VPS26A: variants seen among roughly 807,000 people sequenced by gnomAD.
The protein encoded by VPS26A is vacuolar protein sorting-associated protein 26A.
Under a neutral mutation model 42.4 loss-of-function variants are expected in VPS26A, and 22 were observed. The ratio of observed to expected loss-of-function variants is 0.52; its 90% CI spans 0.37 to 0.74. The LOEUF is 0.74. Among genes scored for constraint, VPS26A ranks in the 30% least tolerant of loss-of-function variants. The pLI is 0.00. For missense variants in VPS26A, 276 were observed against 379.2 expected, an observed-to-expected ratio of 0.73 and a Z score of 2.26; for synonymous variants, 110 against 123.5, an observed-to-expected ratio of 0.89 and a Z score of 0.73.
intron 1 of VPS26A, among the ~76,000 whole-genome samples, chr10:69,129,214 C>T (rs956159897): frequency 1.1e-4 from 16 of 152,038 alleles, no homozygotes; most frequent in African/African-American, 2.9e-4. Context: ...CATGATTGCT[C>T]CTCCCACACA....
intron 6 of VPS26A, 141 bp downstream of exon 6, chr10:69,162,653 A>G: frequency 2.0e-6 from 1 of 490,942 alleles, no homozygotes; most frequent in Admixed American, 4.3e-5. Flanking sequence ...TAAGTTATTT[A>G]ATGTTTTTTT....
intron 2 of VPS26A, among the ~76,000 whole-genome samples, chr10:69,136,460 G>A (rs913214526): frequency 6.6e-6 from 1 of 151,708 alleles, no homozygotes; most frequent in Non-Finnish European, 1.5e-5. Context: ...TAACAGAGAC[G>A]GGATTTCACC....
At chr10:69,169,219 AAT>A in intron 8 of VPS26A, among the ~76,000 whole-genome samples, 1 of 151,128 alleles carries the variant, frequency 6.6e-6, no homozygotes, top group South Asian at 2.1e-4. Context: ...TAGTGTCTTG[AAT>A]ATCTTTCTCT....
chr10:69,149,306 A>G (rs1333976148), intron 2 of VPS26A, among the ~76,000 whole-genome samples: 1 of 152,140 alleles, frequency 6.6e-6, no homozygotes, highest in Non-Finnish European at 1.5e-5. Context: ...CTTTTTTCCA[A>G]AAGTGTGTAA....
chr10:69,147,589 C>T (rs1245162983), intron 2 of VPS26A, among the ~76,000 whole-genome samples: 5 of 152,098 alleles, frequency 3.3e-5, no homozygotes, highest in Admixed American at 6.6e-5. Context: ...TTTGTGATGG[C>T]GTGAGGCAGC....
At chr10:69,167,380 C>T (rs1030231388) in intron 7 of VPS26A, among the ~76,000 whole-genome samples, 2 of 150,158 alleles carry the variant, frequency 1.3e-5, no homozygotes, top group Non-Finnish European at 3.0e-5. Context: ...GCCAAGATGG[C>T]ACTACTGCAT....
intron 2 of VPS26A, among the ~76,000 whole-genome samples, chr10:69,142,372 T>C (rs770619178): frequency 3.4e-4 from 51 of 151,750 alleles, no homozygotes; most frequent in Non-Finnish European, 5.9e-4. Flanking sequence ...AAATTTTTTT[T>C]TTTTATAGAT....
chr10:69,167,697 C>T (rs1007438609), intron 7 of VPS26A, among the ~76,000 whole-genome samples: 3 of 139,386 alleles, frequency 2.2e-5, no homozygotes, highest in Non-Finnish European at 4.5e-5. Flanking sequence ...GACCCGAGAT[C>T]GCACCATTGC....
chr10:69,136,825 T>A (rs1046778447), intron 2 of VPS26A, among the ~76,000 whole-genome samples: 1 of 150,532 alleles, frequency 6.6e-6, no homozygotes, highest in Non-Finnish European at 1.5e-5. Flanking sequence ...GGAGTCTCGC[T>A]CTGTTGCCCA....
intron 1 of VPS26A, among the ~76,000 whole-genome samples, chr10:69,130,726 C>T (rs6480383): frequency 0.75 from 114,836 of 152,116 alleles, 45,371 homozygotes; most frequent in Non-Finnish European, 0.89. Flanking sequence ...TGACCTGTAA[C>T]ACCATAATGT....
intron 6 of VPS26A, 67 bp from the exon 7 acceptor site, chr10:69,165,972 TAAG>T (rs1408890279): frequency 1.8e-5 from 26 of 1,427,666 alleles, no homozygotes; most frequent in African/African-American, 7.3e-5. Context: ...AGTGGAAAAA[TAAG>T]AAGGCATAAG....
At chr10:69,166,148 A>G (rs778475626) in intron 7 of VPS26A, 38 bp downstream of exon 7, 3 of 1,568,614 alleles carry the variant, frequency 1.9e-6, no homozygotes, top group African/African-American at 2.7e-5. Flanking sequence ...GTATAGTGCA[A>G]ACATCAGTGT....
At position 69,173,442 on chromosome 10, in the gene VPS26A, T is replaced by C. The variant is rs146159172; in HGVS notation, c.*2173T>C. On this transcript the variant is annotated 3_prime_UTR_variant, in exon 9 of 9. Transcript: ENST00000263559. ...TCGAGACCAGCCTGGCCAACAAAAATGAGACCCTATCTCTACAAAAAAATT... is the reference window on the plus strand; with the variant it reads ...TCGAGACCAGCCTGGCCAACAAAAACGAGACCCTATCTCTACAAAAAAATT... 7.1e-3 allele frequency among the ~76,000 whole-genome samples: 1,069 copies of C among 150,968 alleles called. 11 individuals are homozygous for C. Among genetic ancestry groups the C allele is most frequent in the African/African-American group, 0.025 (1,013 of 41,126 alleles).
chr10:69,163,988 C>T (rs1841623819), intron 6 of VPS26A, among the ~76,000 whole-genome samples: 1 of 151,492 alleles, frequency 6.6e-6, no homozygotes. Context: ...AGGATGGTCT[C>T]GATCTCCTGA....
intron 2 of VPS26A, chr10:69,133,428 G>A (rs1442632336): frequency 3.5e-6 from 2 of 574,406 alleles, no homozygotes; most frequent in African/African-American, 2.0e-5. Context: ...TTAAGTTAGA[G>A]ATTGAGAGTA....
At chr10:69,142,357 T>TA (rs201431063) in intron 2 of VPS26A, among the ~76,000 whole-genome samples, 5 of 67,086 alleles carry the variant, frequency 7.5e-5, no homozygotes, top group East Asian at 5.5e-4. Context: ...CCTGGCTAAT[T>TA]AAAAAAATTT....
At chr10:69,151,045 C>CA (rs1191967083) in intron 2 of VPS26A, among the ~76,000 whole-genome samples, 7 of 151,762 alleles carry the variant, frequency 4.6e-5, no homozygotes, top group Non-Finnish European at 8.8e-5. Flanking sequence ...GCAGGCAGAT[C>CA]AAGAGGTCAG....
At chr10:69,129,021 GAA>G (rs1274886838) in intron 1 of VPS26A, among the ~76,000 whole-genome samples, 1 of 122,634 alleles carries the variant, frequency 8.2e-6, no homozygotes, top group African/African-American at 3.0e-5. Context: ...AAAAAAAAAA[GAA>G]TTAATTTTAA....
Position 69,124,190 on chromosome 10 carries a change from C to G in VPS26A, c.-88C>G, listed in dbSNP as rs1369875588. The G allele has an allele frequency of 8.0e-7, 1 of 1,248,330 alleles. No individual in the cohort carries two copies. 77.3% of individuals were successfully genotyped at this position (1,248,330 alleles called of 1,614,324 possible). A position where few individuals can be genotyped will look rare whatever the true frequency, so the allele number is the denominator to read the frequency against. ...TGAGGGGCGGCCCGAGGTCACGTGACGGAGCGCCGGAGCGGAGGGAGCCGG... is the reference window on the plus strand; with the variant it reads ...TGAGGGGCGGCCCGAGGTCACGTGAGGGAGCGCCGGAGCGGAGGGAGCCGG... On this transcript the variant is annotated 5_prime_UTR_variant, in exon 1 of 9. Transcript: ENST00000263559.
Sources: allele counts gnomAD v4.1 joint callset (sites outside exome capture counted in the v4.1 genomes callset), GRCh38; gene constraint gnomAD v4.1.1; transcripts MANE v1.5; gene names NCBI Gene and HGNC (gene_info 2026-07-23, HGNC 2026-07-21).